Variants in SGCD observed in about 807,000 individuals in gnomAD.
The protein encoded by SGCD is sarcoglycan delta, also known as delta-sarcoglycan.
SGCD carries 18 observed loss-of-function variants against 36.6 expected under a neutral mutation model. That is an observed-to-expected ratio of 0.49 (90% confidence interval 0.34 to 0.73). The LOEUF is 0.73. Among genes scored for constraint, SGCD ranks in the 30% least tolerant of loss-of-function variants. The pLI, the probability that SGCD is intolerant of heterozygous loss-of-function variation, is 0.01. For synonymous variants in SGCD, 133 were observed against 130.6 expected, an observed-to-expected ratio of 1.02 and a Z score of -0.12; for missense variants, 387 against 346.7, an observed-to-expected ratio of 1.12 and a Z score of -0.92.
chr5:155,946,184 G>C (rs912495167), intron 1 of SGCD, among the ~76,000 whole-genome samples: 2 of 152,160 alleles, frequency 1.3e-5, no homozygotes, highest in African/African-American at 4.8e-5. Flanking sequence ...ATTCCTCTTA[G>C]AAGCATGTTG....
the SGCD span, among the ~76,000 whole-genome samples, chr5:155,813,522 A>G: frequency 6.6e-6 from 1 of 152,284 alleles, no homozygotes; most frequent in Non-Finnish European, 1.5e-5. Flanking sequence ...AGCCCTAAAT[A>G]TGATCACTGA....
In SGCD at chr5:156,759,475, A is replaced by T. The variant is rs1757458070; in HGVS notation, c.*85A>T. Reference sequence around the variant, plus strand: ...GGCTGCCAGCTATTTTTACTAGAACACAGAAAGCCTATCAAAGACCTTGTG... The same window carrying T: ...GGCTGCCAGCTATTTTTACTAGAACTCAGAAAGCCTATCAAAGACCTTGTG... On this transcript the variant is annotated 3_prime_UTR_variant, in exon 9 of 9. Coordinates refer to ENST00000337851, the MANE Select transcript of SGCD (RefSeq NM_000337.6). 2.1e-6 allele frequency: 2 copies of T among 945,382 alleles called. No homozygotes were observed. The highest frequency in any genetic ancestry group is 3.2e-6 in the Non-Finnish European group (2 of 626,618). 58.6% of individuals were successfully genotyped at this position (945,382 alleles called of 1,614,324 possible).
chr5:156,729,109 T>C (rs1179503133), intron 7 of SGCD, among the ~76,000 whole-genome samples: 2 of 152,256 alleles, frequency 1.3e-5, no homozygotes, highest in South Asian at 4.1e-4. Context: ...TAAATAATCC[T>C]GATAAACATT....
chr5:156,546,108 C>T (rs1758562206), intron 4 of SGCD, among the ~76,000 whole-genome samples: 1 of 152,128 alleles, frequency 6.6e-6, no homozygotes, highest in African/African-American at 2.4e-5. Context: ...TGACTGTATT[C>T]TGAGATGCTC....
chr5:156,303,025 A>G (rs1209086469), intron 3 of SGCD, among the ~76,000 whole-genome samples: 1 of 152,212 alleles, frequency 6.6e-6, no homozygotes, highest in Non-Finnish European at 1.5e-5. Flanking sequence ...CAGGTGGAAA[A>G]TTCAGCCAGA....
intron 3 of SGCD, among the ~76,000 whole-genome samples, chr5:156,229,253 C>CATATATAT (rs1201196296): frequency 3.0e-5 from 2 of 66,344 alleles, no homozygotes; most frequent in African/African-American, 1.3e-4. Flanking sequence ...TATATATATA[C>CATATATAT]ATACATACAT....
intron 3 of SGCD, among the ~76,000 whole-genome samples, chr5:156,178,973 T>G (rs1763538748): frequency 6.6e-6 from 1 of 152,194 alleles, no homozygotes; most frequent in African/African-American, 2.4e-5. Flanking sequence ...CTGTTTTCAC[T>G]AACAAATACT....
intron 1 of SGCD, among the ~76,000 whole-genome samples, chr5:156,070,801 A>G (rs1351396301): frequency 1.3e-4 from 20 of 152,148 alleles, no homozygotes; most frequent in Admixed American, 5.9e-4. Flanking sequence ...TATTGCCACA[A>G]TTTCAAAGCC....
At chr5:156,621,481 A>G (rs576397871) in intron 6 of SGCD, among the ~76,000 whole-genome samples, 2 of 152,144 alleles carry the variant, frequency 1.3e-5, no homozygotes, top group East Asian at 3.9e-4. Flanking sequence ...GTGAGCTACC[A>G]TGTCCAGCCA....
the SGCD span, among the ~76,000 whole-genome samples, chr5:155,787,683 C>T: frequency 6.6e-6 from 1 of 152,220 alleles, no homozygotes; most frequent in Non-Finnish European, 1.5e-5. Flanking sequence ...GAGCAGATTG[C>T]CAAGGCTCTT....
At chr5:156,028,571 T>C (rs759283978) in intron 1 of SGCD, among the ~76,000 whole-genome samples, 1 of 152,152 alleles carries the variant, frequency 6.6e-6, no homozygotes, top group Non-Finnish European at 1.5e-5. Context: ...CTCTGCATGG[T>C]ATATAGGAAT....
chr5:156,667,087 G>T (rs936640498), intron 7 of SGCD, among the ~76,000 whole-genome samples: 5 of 152,180 alleles, frequency 3.3e-5, no homozygotes, highest in African/African-American at 1.2e-4. Flanking sequence ...ACTCATTGGA[G>T]CATTTCAAAT....
chr5:156,571,662 G>T (rs935208034), intron 4 of SGCD, among the ~76,000 whole-genome samples: 2 of 152,148 alleles, frequency 1.3e-5, no homozygotes, highest in African/African-American at 4.8e-5. Context: ...AGATCCTTAT[G>T]CCAGCAAGCC....
At chr5:155,865,489 T>C (rs557135808), upstream of SGCD, among the ~76,000 whole-genome samples, 1 of 152,284 alleles carries the variant, frequency 6.6e-6, no homozygotes, top group South Asian at 2.1e-4. Context: ...ATTGTGAATG[T>C]TGTCTTTTGA....
At chr5:156,198,152 A>G (rs566995558) in intron 3 of SGCD, among the ~76,000 whole-genome samples, 191 of 152,134 alleles carry the variant, frequency 1.3e-3, no homozygotes, top group Admixed American at 2.1e-3. Flanking sequence ...TATTCTTTCT[A>G]TCTTTCTTAG....
intron 1 of SGCD, among the ~76,000 whole-genome samples, chr5:155,919,519 A>G (rs1023501939): frequency 2.0e-5 from 3 of 152,164 alleles, no homozygotes; most frequent in Admixed American, 2.0e-4. Flanking sequence ...AAACTGCTTC[A>G]TTGCAAAAAC....
chr5:156,217,624 T>G (rs1291098418), intron 3 of SGCD, among the ~76,000 whole-genome samples: 3 of 152,190 alleles, frequency 2.0e-5, no homozygotes, highest in Non-Finnish European at 4.4e-5. Context: ...GGTAAAATGC[T>G]GAGAATGCTT....
rs531542295 is a variant in SGCD at position 156,368,709 on chromosome 5, C to G, written c.192+24032C>G. 6.6e-5 allele frequency among the ~76,000 whole-genome samples: 10 copies of G among 152,208 alleles called. No homozygotes were observed. The East Asian group carries it at 1.9e-3, about 29-fold the overall frequency. ...ATTAGATTCTCACAGGAGCACAAAC[C>G]CTGTTGTGAACTGCACACATGAGGG... is the stretch of plus-strand genomic sequence containing the variant. On this transcript the variant is annotated intron_variant, in intron 3 of 8. Coordinates refer to ENST00000337851, the MANE Select transcript of SGCD (RefSeq NM_000337.6).
At chr5:156,259,582 G>T (rs1253619855) in intron 3 of SGCD, among the ~76,000 whole-genome samples, 1 of 151,998 alleles carries the variant, frequency 6.6e-6, no homozygotes, top group Non-Finnish European at 1.5e-5. Context: ...GTTTAGGTTT[G>T]TGATCCATAT....
Sources: gnomAD v4.1 joint callset for allele counts (sites outside exome capture counted in the v4.1 genomes callset) on GRCh38, gnomAD v4.1.1 for gene constraint, MANE v1.5 for transcripts, NCBI Gene and HGNC (gene_info 2026-07-23, HGNC 2026-07-21) for gene names.